Variants in HTR4 observed in about 807,000 individuals in gnomAD.
The protein encoded by HTR4 is 5-hydroxytryptamine receptor 4, also known as 5-hydroxytryptamine (serotonin) receptor 4, G protein-coupled.
In HTR4, 16 loss-of-function variants were observed where a neutral mutation model predicts 36.8. That is an observed-to-expected ratio of 0.43 (90% CI 0.29 to 0.66). HTR4 has a LOEUF of 0.66. Ranked by LOEUF, HTR4 falls within the 30% of genes least tolerant of loss-of-function variation. HTR4 has a pLI of 0.13. For missense variants in HTR4, 438 were observed against 490.9 expected (o/e 0.89, Z 1.02); for synonymous variants, 189 against 185.1 (o/e 1.02, Z -0.17).
intron 6 of HTR4, among the ~76,000 whole-genome samples, chr5:148,498,805 G>A (rs918811846): frequency 6.6e-6 from 1 of 152,018 alleles, no homozygotes; most frequent in African/African-American, 2.4e-5. Context: ...TAATCAACGG[G>A]TACCCAAAGA....
intron 2 of HTR4, among the ~76,000 whole-genome samples, chr5:148,607,284 A>G (rs947892987): frequency 3.3e-5 from 5 of 151,948 alleles, no homozygotes; most frequent in African/African-American, 1.2e-4. Flanking sequence ...CTTAGGGGGG[A>G]AAAATGTAGT....
intron 5 of HTR4, among the ~76,000 whole-genome samples, chr5:148,464,611 C>T (rs774604535): frequency 7.2e-5 from 11 of 152,276 alleles, no homozygotes; most frequent in Middle Eastern, 3.4e-3. Context: ...TGAGGAGCAA[C>T]AGTAATTCAT....
chr5:148,548,676 A>G lies in HTR4; in HGVS notation c.345T>C (p.Ser115=). The G allele has an allele frequency of 1.2e-6, 2 of 1,602,190 alleles. No homozygotes were observed. The highest frequency in any genetic ancestry group is 8.5e-7 in the Non-Finnish European group (1 of 1,173,716). ...CATTGTTCTGTCCTTACCTATCCAG[A>G]GAAATGCAGCACAGGTGAAAAATCG... ...TASIFHLCCI[S]LDRYYAICCQ... The change falls in exon 4 of 7, where the codon TCT becomes TCC. Residue 115 remains serine, a synonymous_variant. Coordinates refer to ENST00000377888, the MANE Select transcript of HTR4 (RefSeq NM_000870.7).
At position 148,523,458 on chromosome 5, in the gene HTR4, T is replaced by C. The variant is rs1358965147; in HGVS notation, c.354-112A>G. On this transcript the variant is annotated intron_variant, in intron 4 of 6. Transcript: ENST00000377888. Reference sequence around the variant, plus strand: ...GAGGAAGAGGGGATGGAGCAAGGGATAGAGAACAGCAAACATTGAGGAGAA... The same window carrying C: ...GAGGAAGAGGGGATGGAGCAAGGGACAGAGAACAGCAAACATTGAGGAGAA... 4 of 735,250 alleles carry C rather than the reference T, an allele frequency of 5.4e-6. No homozygotes were observed. The African/African-American group carries it at 5.5e-5, about 10-fold the overall frequency. The allele number at this position is 735,250 out of a possible 1,614,324, so 45.5% of individuals were successfully genotyped here. A position where few individuals can be genotyped will look rare whatever the true frequency, so the allele number is the denominator to read the frequency against.
intron 5 of HTR4, among the ~76,000 whole-genome samples, chr5:148,457,247 G>A (rs1210781661): frequency 6.6e-6 from 1 of 152,138 alleles, no homozygotes; most frequent in Non-Finnish European, 1.5e-5. Context: ...CTCTAGATGA[G>A]TGGGTATACC....
intron 4 of HTR4, among the ~76,000 whole-genome samples, chr5:148,542,457 G>A (rs1186706051): frequency 6.6e-6 from 1 of 152,188 alleles, no homozygotes; most frequent in African/African-American, 2.4e-5. Context: ...AGAATTGTAT[G>A]TTTTACAAGT....
At chr5:148,465,874 A>C in intron 5 of HTR4, 3 of 1,613,346 alleles carry the variant, frequency 1.9e-6, no homozygotes, top group Non-Finnish European at 2.5e-6. Flanking sequence ...GTTAGACAGG[A>C]ACTGGTCTAT....
intron 5 of HTR4, among the ~76,000 whole-genome samples, chr5:148,467,795 A>G (rs963438111): frequency 3.9e-5 from 6 of 152,206 alleles, no homozygotes; most frequent in Non-Finnish European, 8.8e-5. Context: ...ACCAACTTTA[A>G]CATATGTTTT....
At chr5:148,480,936 T>A (rs1755859124), downstream of HTR4, among the ~76,000 whole-genome samples, 1 of 152,228 alleles carries the variant, frequency 6.6e-6, no homozygotes, top group Non-Finnish European at 1.5e-5. Context: ...TTATCTTATA[T>A]CTCCACAACA....
At chr5:148,633,126 G>A (rs150165292) in intron 2 of HTR4, among the ~76,000 whole-genome samples, 26 of 152,194 alleles carry the variant, frequency 1.7e-4, no homozygotes, top group Admixed American at 1.0e-3. Flanking sequence ...CTGCTAAGTT[G>A]GCTGACACTA....
intron 4 of HTR4, among the ~76,000 whole-genome samples, chr5:148,542,339 C>T (rs571528280): frequency 6.6e-6 from 1 of 152,294 alleles, no homozygotes; most frequent in East Asian, 1.9e-4. Flanking sequence ...CAATGACAGA[C>T]ACTTTTCATT....
chr5:148,490,962 C>T (rs1253226819), intron 6 of HTR4: 1 of 397,114 alleles, frequency 2.5e-6, no homozygotes, highest in African/African-American at 2.1e-5. Flanking sequence ...AAAATCATGG[C>T]ATTTACCCTC....
intron 2 of HTR4, among the ~76,000 whole-genome samples, chr5:148,633,649 C>T (rs1424119316): frequency 2.6e-5 from 4 of 151,442 alleles, no homozygotes; most frequent in Non-Finnish European, 5.9e-5. Flanking sequence ...CTTTTATCAC[C>T]GTATTAAATA....
chr5:148,650,477 T>C (rs932294760), intron 1 of HTR4, among the ~76,000 whole-genome samples: 1 of 152,204 alleles, frequency 6.6e-6, no homozygotes, highest in Non-Finnish European at 1.5e-5. Context: ...TGCAAATCTG[T>C]ACTACTTTCT....
intron 5 of HTR4, among the ~76,000 whole-genome samples, chr5:148,518,075 C>A (rs2113787749): frequency 6.6e-6 from 1 of 152,198 alleles, no homozygotes; most frequent in Middle Eastern, 3.4e-3. Flanking sequence ...AAGATATCCA[C>A]AAGTACAACT....
chr5:148,587,697 G>C (rs891025222), intron 2 of HTR4, among the ~76,000 whole-genome samples: 1 of 152,124 alleles, frequency 6.6e-6, no homozygotes, highest in East Asian at 1.9e-4. Flanking sequence ...TCCAAGCAGG[G>C]TGTGTGGGGA....
rs1384508711 is a variant in HTR4 at position 148,523,319 on chromosome 5, C to T, written c.381G>A (p.Leu127=). The change falls in exon 5 of 7, where the codon TTG becomes TTA. Residue 127 remains leucine (L), a synonymous_variant. Coordinates refer to ENST00000377888, the MANE Select transcript of HTR4 (RefSeq NM_000870.7). ...GAGGGGTCATCTTGTTCCTATAGAC[C>T]AAAGGCTGGCAGCAGATGGCGTAAT... The part of the protein sequence containing the change: ...DRYYAICCQP[L]VYRNKMTPLR... 6 of 1,610,982 alleles carry T rather than the reference C, an allele frequency of 3.7e-6. No homozygotes were observed. The highest frequency in any genetic ancestry group is 2.2e-5 in the East Asian group (1 of 44,734).
intron 2 of HTR4, among the ~76,000 whole-genome samples, chr5:148,617,469 T>C (rs1313888808): frequency 7.1e-6 from 1 of 141,226 alleles, no homozygotes; most frequent in Non-Finnish European, 1.5e-5. Flanking sequence ...CTCTCTTTTG[T>C]TTTTTTTTGT....
chr5:148,534,325 T>C lies in HTR4; in HGVS notation c.354-10979A>G, dbSNP rs368586582. ...GCACTTTTCACTCTTGATACCTCCA[T>C]GTAGTGGGAGATCCAAGGTGACTAG... is the stretch of plus-strand genomic sequence containing the variant. On this transcript the variant is annotated intron_variant, in intron 4 of 6. Transcript: ENST00000377888. Among the ~76,000 whole-genome samples the C allele has an allele frequency of 3.9e-5, 6 of 152,186 alleles. No individual in the cohort carries two copies. The East Asian group carries it at 7.7e-4, about 20-fold the overall frequency.
Sources: gnomAD v4.1 joint callset for allele counts (sites outside exome capture counted in the v4.1 genomes callset) on GRCh38, gnomAD v4.1.1 for gene constraint, MANE v1.5 for transcripts, NCBI Gene and HGNC (gene_info 2026-07-23, HGNC 2026-07-21) for gene names.